Variants in COL25A1 observed in about 807,000 individuals in gnomAD.
COL25A1 encodes collagen alpha-1(XXV) chain.
Under a neutral mutation model 128.4 loss-of-function variants are expected in COL25A1, and 103 were observed. That is an observed-to-expected ratio of 0.80 (90% CI 0.68 to 0.94). The LOEUF (loss-of-function observed/expected upper bound fraction) is 0.94. COL25A1 is among the 40% of genes least tolerant of loss of function. COL25A1 has a pLI of 0.00. For synonymous variants in COL25A1, 279 were observed against 277.2 expected (o/e 1.01, Z -0.06); for missense variants, 745 against 840.0 (o/e 0.89, Z 1.40).
intron 3 of COL25A1, among the ~76,000 whole-genome samples, chr4:109,176,738 G>A (rs923593840): frequency 6.6e-6 from 1 of 152,162 alleles, no homozygotes; most frequent in Admixed American, 6.5e-5. Flanking sequence ...TTAACCAGGT[G>A]CCTCAAATTC....
chr4:109,143,844 C>T (rs913472137), intron 3 of COL25A1, among the ~76,000 whole-genome samples: 2 of 152,154 alleles, frequency 1.3e-5, no homozygotes, highest in Non-Finnish European at 2.9e-5. Context: ...ACAGCATGCT[C>T]CTTTAGCTCG....
chr4:109,000,691 A>C (rs1379052033), intron 6 of COL25A1, among the ~76,000 whole-genome samples: 1 of 103,636 alleles, frequency 9.6e-6, no homozygotes, highest in Non-Finnish European at 2.1e-5. Context: ...GGTTGCAGTG[A>C]GCCGATATTG....
chr4:109,146,634 T>C (rs535238871), intron 3 of COL25A1, among the ~76,000 whole-genome samples: 1 of 152,342 alleles, frequency 6.6e-6, no homozygotes, highest in South Asian at 2.1e-4. Context: ...GTCAAACACT[T>C]TTAGCTTCAA....
intron 8 of COL25A1, among the ~76,000 whole-genome samples, chr4:108,964,845 T>G (rs1359310133): frequency 6.6e-6 from 1 of 152,178 alleles, no homozygotes; most frequent in African/African-American, 2.4e-5. Context: ...CTTAATGAGC[T>G]TACTGTTTCC....
intron 36 of COL25A1, 105 bp from the exon 37 acceptor site, chr4:108,817,540 A>ACTT: frequency 9.7e-7 from 1 of 1,031,262 alleles, no homozygotes; most frequent in Non-Finnish European, 1.4e-6. Context: ...CCCATTAGTG[A>ACTT]CTTTGGTCAT....
intron 3 of COL25A1, among the ~76,000 whole-genome samples, chr4:109,131,330 C>G (rs1769173741): frequency 6.6e-6 from 1 of 150,452 alleles, no homozygotes; most frequent in Non-Finnish European, 1.5e-5. Flanking sequence ...TTTAAAATTA[C>G]ATATGTGGTT....
At chr4:109,268,054 C>A (rs1781910351) in intron 3 of COL25A1, among the ~76,000 whole-genome samples, 1 of 152,124 alleles carries the variant, frequency 6.6e-6, no homozygotes, top group African/African-American at 2.4e-5. Context: ...ACCATAAAAT[C>A]TGCACTGCAA....
intron 3 of COL25A1, among the ~76,000 whole-genome samples, chr4:109,142,203 G>T (rs1488633862): frequency 3.3e-5 from 5 of 152,154 alleles, no homozygotes; most frequent in Admixed American, 6.5e-5. Flanking sequence ...TCATTCAGGA[G>T]CAGGTTGTTC....
intron 32 of COL25A1, among the ~76,000 whole-genome samples, 194 bp from the exon 33 acceptor site, chr4:108,827,382 G>GA (rs1363458397): frequency 6.6e-6 from 1 of 152,178 alleles, no homozygotes; most frequent in Non-Finnish European, 1.5e-5. Context: ...AATCACCTTT[G>GA]AAAGAGGGGC....
At chr4:109,107,029 G>A (rs768379228) in intron 3 of COL25A1, among the ~76,000 whole-genome samples, 5 of 152,012 alleles carry the variant, frequency 3.3e-5, no homozygotes, top group Non-Finnish European at 5.9e-5. Flanking sequence ...TCAGCCTCCC[G>A]AAGTGTTGGG....
intron 5 of COL25A1, among the ~76,000 whole-genome samples, chr4:109,011,889 C>T (rs1305911334): frequency 6.6e-6 from 1 of 152,188 alleles, no homozygotes; most frequent in Non-Finnish European, 1.5e-5. Context: ...TACCTAGGAC[C>T]AGTAGGCATT....
intron 4 of COL25A1, among the ~76,000 whole-genome samples, chr4:109,048,564 A>G (rs1760673975): frequency 6.6e-6 from 1 of 152,200 alleles, no homozygotes; most frequent in Non-Finnish European, 1.5e-5. Flanking sequence ...TGAGTTTGAT[A>G]AAACAGCCAA....
intron 3 of COL25A1, among the ~76,000 whole-genome samples, chr4:109,172,384 G>A (rs1773668525): frequency 6.6e-6 from 1 of 152,164 alleles, no homozygotes; most frequent in Non-Finnish European, 1.5e-5. Context: ...AGGGGTGGGA[G>A]TGGGAGGCAG....
chr4:108,856,010 T>C (rs1736449986), intron 24 of COL25A1, among the ~76,000 whole-genome samples: 1 of 152,210 alleles, frequency 6.6e-6, no homozygotes, highest in African/African-American at 2.4e-5. Flanking sequence ...CATTCTCTAG[T>C]GAGACGCGAC....
At chr4:108,822,635 A>G (rs1271472970) in intron 35 of COL25A1, among the ~76,000 whole-genome samples, 2 of 152,038 alleles carry the variant, frequency 1.3e-5, no homozygotes, top group African/African-American at 4.8e-5. Context: ...TGGGTTGCCC[A>G]GACTAGTGTT....
At chr4:109,005,531 C>T (rs1755881031) in intron 6 of COL25A1, among the ~76,000 whole-genome samples, 1 of 152,114 alleles carries the variant, frequency 6.6e-6, no homozygotes, top group Admixed American at 6.5e-5. Flanking sequence ...GGTTTATTTT[C>T]CCAGCCTAAT....
At chr4:109,144,774 A>G (rs1401126310) in intron 3 of COL25A1, among the ~76,000 whole-genome samples, 1 of 152,198 alleles carries the variant, frequency 6.6e-6, no homozygotes, top group Non-Finnish European at 1.5e-5. Flanking sequence ...ATTCAGAAAC[A>G]AGGCAAGATT....
rs1320694054 is a variant in COL25A1, at chr4:109,212,562, GAAATT to G, written c.367+88016_367+88020del. Reference sequence around the variant, plus strand: ...AGGCAAGTCCAGATTAAAGGAGAGGGAAATTAAACTCCATTTCATGATATGAAGAC... The same window carrying G: ...AGGCAAGTCCAGATTAAAGGAGAGGGAAACTCCATTTCATGATATGAAGAC... On this transcript the variant is annotated intron_variant, in intron 3 of 37. Coordinates refer to ENST00000399132, the MANE Select transcript of COL25A1 (RefSeq NM_198721.4). 2.6e-5 allele frequency among the ~76,000 whole-genome samples: 4 copies of G among 152,178 alleles called. No individual in the cohort carries two copies. The East Asian group carries it at 5.8e-4, about 22-fold the overall frequency.
intron 3 of COL25A1, among the ~76,000 whole-genome samples, chr4:109,239,094 C>G (rs533009328): frequency 1.3e-5 from 2 of 151,944 alleles, no homozygotes; most frequent in Non-Finnish European, 2.9e-5. Context: ...GAACCAACTA[C>G]TCTTAAATGC....
Sources: allele counts gnomAD v4.1 joint callset (sites outside exome capture counted in the v4.1 genomes callset), GRCh38; gene constraint gnomAD v4.1.1; transcripts MANE v1.5; gene names NCBI Gene and HGNC (gene_info 2026-07-23, HGNC 2026-07-21).